The following TOM1 variants were observed in gnomAD, a reference collection of about 807,000 sequenced individuals.
TOM1 encodes target of Myb protein 1.
TOM1 carries 38 observed loss-of-function variants against 61.3 expected under a neutral mutation model. The ratio of observed to expected loss-of-function variants is 0.62; its 90% CI spans 0.48 to 0.81. The LOEUF is 0.81. TOM1 is among the 40% of genes least tolerant of loss of function. TOM1 has a pLI of 0.00. For missense variants in TOM1, 591 were observed against 659.6 expected, an observed-to-expected ratio of 0.90 and a Z score of 1.14; for synonymous variants, 270 against 268.8, an observed-to-expected ratio of 1.00 and a Z score of -0.04.
intron 13 of TOM1, 129 bp from the exon 14 acceptor site, chr22:35,346,801 G>A (rs1569043725): frequency 1.2e-6 from 1 of 836,328 alleles, no homozygotes; most frequent in Admixed American, 2.3e-5. Context: ...TGGGTGGTGG[G>A]GGCGTGCAGA....
chr22:35,325,495 G>A lies in TOM1; in HGVS notation c.648+1581G>A, dbSNP rs73885914. On this transcript the variant is annotated intron_variant, in intron 6 of 14. Transcript: ENST00000449058. Reference sequence around the variant, plus strand: ...GTAACCTCATATACATTTCTGTTACGTTAGGATTGGAGACAAGTTCTGTTT... The same window carrying A: ...GTAACCTCATATACATTTCTGTTACATTAGGATTGGAGACAAGTTCTGTTT... 6.1e-3 allele frequency among the ~76,000 whole-genome samples: 923 copies of A among 152,264 alleles called. 10 individuals carry two copies. The highest frequency in any genetic ancestry group is 0.02 in the African/African-American group (849 of 41,554).
At chr22:35,341,086 G>A (rs931997265) in intron 12 of TOM1, among the ~76,000 whole-genome samples, 4 of 152,200 alleles carry the variant, frequency 2.6e-5, no homozygotes, top group African/African-American at 7.2e-5. Flanking sequence ...TTTTTCGGGT[G>A]TAAGCCATCA....
At chr22:35,316,290 A>G (rs1927270249) in intron 1 of TOM1, among the ~76,000 whole-genome samples, 2 of 152,264 alleles carry the variant, frequency 1.3e-5, no homozygotes, top group Admixed American at 6.5e-5. Flanking sequence ...TGTAGTCACA[A>G]TACATACCAG....
chr22:35,323,433 G>A lies in TOM1; in HGVS notation c.367-63G>A, dbSNP rs1928018280. On this transcript the variant is annotated intron_variant, in intron 4 of 14. Transcript: ENST00000449058. This position sits in a 1 kb window ranked among gnomAD's most constrained non-coding sequence, Gnocchi z 4.2. ...AAGAATGTCTGTTCTCTGTCTGAGT[G>A]CCAGGTGGGCAGGCTCACAGGTGAG... 2 of 1,578,712 alleles carry A rather than the reference G, an allele frequency of 1.3e-6. No homozygotes were observed. The highest frequency in any genetic ancestry group is 3.6e-5 in the Admixed American group (2 of 56,264).
At chr22:35,307,690 C>G (rs1926445329) in intron 1 of TOM1, among the ~76,000 whole-genome samples, 1 of 152,010 alleles carries the variant, frequency 6.6e-6, no homozygotes, top group Non-Finnish European at 1.5e-5. Flanking sequence ...AAGGACGGAG[C>G]CTGGAGTCTT....
chr22:35,334,457 C>A lies in TOM1; in HGVS notation c.1148+9C>A. ...GCTGACCAACGGAAAGAGTGAGTGG[C>A]CTGGCCCTGCCCTGGTCCCCTGCAG... On this transcript the variant is annotated intron_variant, in intron 11 of 14. Transcript: ENST00000449058. 6.2e-7 allele frequency: 1 copy of A among 1,613,686 alleles called. No homozygotes were observed.
Position 35,323,385 on chromosome 22 carries a change from T to TAAA in TOM1, c.367-98_367-96dup. On this transcript the variant is annotated intron_variant, in intron 4 of 14. Transcript: ENST00000449058. The surrounding 1 kb of genome is among the most constrained non-coding windows in gnomAD (Gnocchi z 4.2). ...GTGGAGTGGGCAGGGCAGATGTAGT[T>TAAA]AAAAAAAAAAAAAAAGCAGGGAAAG... 51 of 1,305,818 alleles carry TAAA rather than the reference T, an allele frequency of 3.9e-5. No homozygotes were observed. The highest frequency in any genetic ancestry group is 8.9e-5 in the Admixed American group (4 of 44,956). 80.9% of individuals were successfully genotyped at this position (1,305,818 alleles called of 1,614,324 possible).
Position 35,330,470 on chromosome 22 carries a change from C to T in TOM1, c.889C>T (p.Arg297Cys), listed in dbSNP as rs1411103419. 14 of 1,611,054 alleles carry T rather than the reference C, an allele frequency of 8.7e-6. No individual in the cohort carries two copies. The highest frequency in any genetic ancestry group is 1.7e-4 in the Middle Eastern group (1 of 6,046). Residue 297 changes from arginine (R) to cysteine (C), a missense_variant, in exon 8 of 15, where the codon CGC becomes TGC. Arg to Cys is a radical substitution (Grantham distance 180). Coordinates refer to ENST00000449058, the MANE Select transcript of TOM1 (RefSeq NM_005488.3). ...TGACAATCTCAACAATGTGTTCCTGCGCCATGAACGGTAGCCCCAGCACCT... is the reference window on the plus strand; with the variant it reads ...TGACAATCTCAACAATGTGTTCCTGTGCCATGAACGGTAGCCCCAGCACCT... ...VNDNLNNVFL[R>C]HERFERFRTG...
At chr22:35,325,572 G>A (rs1928236745) in intron 6 of TOM1, among the ~76,000 whole-genome samples, 1 of 152,174 alleles carries the variant, frequency 6.6e-6, no homozygotes, top group Non-Finnish European at 1.5e-5. Context: ...TTGAAAATCA[G>A]TCAGGTTTAC....
upstream of TOM1, chr22:35,299,741 G>A (rs909730591): frequency 4.6e-6 from 3 of 649,402 alleles, no homozygotes; most frequent in African/African-American, 3.8e-5. Flanking sequence ...GCCGCAGTGA[G>A]GTCATCGCCC....
chr22:35,324,464 G>GA (rs1459988992), intron 6 of TOM1, among the ~76,000 whole-genome samples: 1 of 148,166 alleles, frequency 6.7e-6, no homozygotes, highest in East Asian at 2.0e-4. Context: ...GGTTCTGCCT[G>GA]AAAAGTTTTC....
intron 1 of TOM1, among the ~76,000 whole-genome samples, chr22:35,308,312 C>A (rs1419806923): frequency 7.4e-6 from 1 of 135,790 alleles, no homozygotes; most frequent in Non-Finnish European, 1.5e-5. Context: ...GAGACGGAGT[C>A]TCACTCTGTT....
chr22:35,316,695 G>C (rs904271752), intron 1 of TOM1, among the ~76,000 whole-genome samples: 10 of 152,178 alleles, frequency 6.6e-5, no homozygotes, highest in Non-Finnish European at 1.5e-4. Context: ...TAGAGGTGGT[G>C]GTGGTTGTAT....
intron 1 of TOM1, among the ~76,000 whole-genome samples, chr22:35,302,330 C>CTTTTTTTTTTTTTTTTTTTTTTTTTT (rs138734): frequency 8.5e-5 from 6 of 70,912 alleles, no homozygotes; most frequent in Non-Finnish European, 1.5e-4. Flanking sequence ...TTTTCTTTTT[C>CTTTTTTTTTTTTTTTTTTTTTTTTTT]TTTTTTTTTT....
Position 35,317,523 on chromosome 22 carries a change from A to G in TOM1, c.53-354A>G, listed in dbSNP as rs538249711. Among the ~76,000 whole-genome samples the G allele has an allele frequency of 1.8e-4, 27 of 152,328 alleles. 1 individual carries two copies. The East Asian group carries it at 5.2e-3, about 29-fold the overall frequency. ...TTCTAAAGTCAAGGGAGAACATCTT[A>G]TCTACAGAAATGAAGCAAAGCACTG... On this transcript the variant is annotated intron_variant, in intron 1 of 14. Coordinates refer to ENST00000449058, the MANE Select transcript of TOM1 (RefSeq NM_005488.3).
In TOM1 at chr22:35,342,222, G is replaced by A. The variant is rs116966945; in HGVS notation, c.1224+3434G>A. On this transcript the variant is annotated intron_variant, in intron 12 of 14. Coordinates refer to ENST00000449058, the MANE Select transcript of TOM1 (RefSeq NM_005488.3). ...GGATTCAGAGCAGGACTCACAAGTC[G>A]TGTGACGAGGTGGTATTGCATGCTG... Among the ~76,000 whole-genome samples, 58 of 152,196 alleles carry A rather than the reference G, an allele frequency of 3.8e-4. 1 individual carries two copies. The East Asian group carries it at 0.01, about 26-fold the overall frequency.
chr22:35,302,883 A>C (rs752194840), intron 1 of TOM1, among the ~76,000 whole-genome samples: 47 of 152,180 alleles, frequency 3.1e-4, no homozygotes, highest in Non-Finnish European at 5.9e-4. Context: ...AAAGAGGCGG[A>C]GGAAGTACTG....
chr22:35,333,673 CT>C (rs1929033079), intron 10 of TOM1, among the ~76,000 whole-genome samples, 176 bp downstream of exon 10: 1 of 152,196 alleles, frequency 6.6e-6, no homozygotes, highest in Admixed American at 6.5e-5. Flanking sequence ...GTCACTGCCC[CT>C]GGCAGCCCCA....
At chr22:35,331,825 T>C (rs1601700731) in intron 8 of TOM1, among the ~76,000 whole-genome samples, 2 of 151,624 alleles carry the variant, frequency 1.3e-5, no homozygotes, top group African/African-American at 2.4e-5. Flanking sequence ...GAGGCAGAGG[T>C]TGCAATGAGC....
Sources: gnomAD v4.1 joint callset for allele counts (sites outside exome capture counted in the v4.1 genomes callset) on GRCh38, gnomAD v4.1.1 for gene constraint, Gnocchi (gnomAD v3.1) non-coding constraint, MANE v1.5 for transcripts, NCBI Gene and HGNC (gene_info 2026-07-23, HGNC 2026-07-21) for gene names.